The following FLACC1 variants were observed in gnomAD, a reference collection of about 807,000 sequenced individuals.
FLACC1 encodes flagellum associated containing coiled-coil domains 1, also known as flagellum-associated coiled-coil domain-containing protein 1.
FLACC1 carries 66 observed loss-of-function variants against 62.8 expected under a neutral mutation model. The observed-to-expected ratio is 1.05, with a 90% CI of 0.86 to 1.29. The LOEUF (loss-of-function observed/expected upper bound fraction) is 1.29, where lower values mean the gene tolerates loss of function less well. FLACC1 is among the 50% of genes most tolerant of loss of function. The probability of loss-of-function intolerance (pLI) is 0.00; values close to 1 mark genes in which losing one functional copy is unlikely to be tolerated. For missense variants in FLACC1, 452 were observed against 489.1 expected, an observed-to-expected ratio of 0.92 and a Z score of 0.71; for synonymous variants, 156 against 161.0, an observed-to-expected ratio of 0.97 and a Z score of 0.24.
intron 9 of FLACC1, among the ~76,000 whole-genome samples, chr2:201,314,660 T>C (rs887893370): frequency 4.6e-5 from 7 of 152,114 alleles, no homozygotes; most frequent in African/African-American, 1.7e-4. Flanking sequence ...GAGACCTAGA[T>C]ATCCAAATAC....
intron 7 of FLACC1, among the ~76,000 whole-genome samples, chr2:201,337,563 A>T (rs1950719474): frequency 6.6e-6 from 1 of 152,176 alleles, no homozygotes; most frequent in African/African-American, 2.4e-5. Context: ...TATATCAAGG[A>T]GTGCAGTTGG....
rs1355405701 is a variant in FLACC1, at chr2:201,335,743, A to C, written c.525-4910T>G. ...TGGTATTTTAATAGGGATTGCATTA[A>C]ATCTGTGTAATGCTTTGGGTAGCAT... is the stretch of plus-strand genomic sequence containing the variant. On this transcript the variant is annotated intron_variant, in intron 7 of 14. Coordinates refer to ENST00000392257, the MANE Select transcript of FLACC1 (RefSeq NM_001127391.3). 2.0e-5 allele frequency among the ~76,000 whole-genome samples: 3 copies of C among 152,254 alleles called. No individual in the cohort carries two copies. In the East Asian group the frequency reaches 5.8e-4, roughly 29 times the overall value.
chr2:201,345,198 G>A (rs1361303583), intron 5 of FLACC1, among the ~76,000 whole-genome samples: 1 of 152,168 alleles, frequency 6.6e-6, no homozygotes, highest in Non-Finnish European at 1.5e-5. Flanking sequence ...TCCTGCAGAG[G>A]GCTGTGGATA....
chr2:201,319,554 C>T (rs1011777878), intron 9 of FLACC1, among the ~76,000 whole-genome samples: 5 of 151,980 alleles, frequency 3.3e-5, no homozygotes, highest in African/African-American at 4.8e-5. Context: ...CAAAAAAACC[C>T]GTCAACAAAG....
intron 3 of FLACC1, among the ~76,000 whole-genome samples, chr2:201,348,638 C>G (rs1372887746): frequency 6.6e-6 from 1 of 152,108 alleles, no homozygotes; most frequent in African/African-American, 2.4e-5. Context: ...CCCACCACCC[C>G]CTTACACACA....
intron 7 of FLACC1, among the ~76,000 whole-genome samples, chr2:201,339,762 G>T (rs1950768574): frequency 6.6e-6 from 1 of 152,088 alleles, no homozygotes; most frequent in African/African-American, 2.4e-5. Context: ...TCTTATAAGT[G>T]TGCCTATCTT....
intron 2 of FLACC1, 148 bp downstream of exon 2, chr2:201,351,144 G>T: frequency 1.4e-6 from 1 of 711,828 alleles, no homozygotes; most frequent in Non-Finnish European, 2.4e-6. Context: ...CAGCCAACCA[G>T]CTGGCAGGGA....
Position 201,340,318 on chromosome 2 carries a change from C to G in FLACC1, c.524+2052G>C, listed in dbSNP as rs573562893. ...TGTTTTGTAGATTCTTTCTTCCTCTCTTGGTCTCTTCTTTTGTGGTTTGAT... is the reference window on the plus strand; with the variant it reads ...TGTTTTGTAGATTCTTTCTTCCTCTGTTGGTCTCTTCTTTTGTGGTTTGAT... On this transcript the variant is annotated intron_variant, in intron 7 of 14. Coordinates refer to ENST00000392257, the MANE Select transcript of FLACC1 (RefSeq NM_001127391.3). Among the ~76,000 whole-genome samples, 26 of 152,198 alleles carry G rather than the reference C, an allele frequency of 1.7e-4. No homozygotes were observed. In the East Asian group the frequency reaches 4.2e-3, roughly 25 times the overall value.
intron 10 of FLACC1, 41 bp downstream of exon 10, chr2:201,309,110 A>C (rs775163363): frequency 1.3e-6 from 2 of 1,548,814 alleles, no homozygotes; most frequent in East Asian, 4.5e-5. Flanking sequence ...GCAGTTTTTT[A>C]ATGCACTTGT....
chr2:201,293,910 T>C (rs1254577287), intron 12 of FLACC1, among the ~76,000 whole-genome samples: 1 of 151,942 alleles, frequency 6.6e-6, no homozygotes, highest in African/African-American at 2.4e-5. Flanking sequence ...GCAAATAAAC[T>C]AGAAAATCTA....
intron 5 of FLACC1, among the ~76,000 whole-genome samples, chr2:201,345,090 T>C (rs1950885450): frequency 6.6e-6 from 1 of 152,206 alleles, no homozygotes; most frequent in Admixed American, 6.5e-5. Flanking sequence ...AAGCACAGGT[T>C]ATCATATTTT....
chr2:201,354,477 C>A (rs916593777), intron 1 of FLACC1, among the ~76,000 whole-genome samples: 5 of 152,120 alleles, frequency 3.3e-5, no homozygotes, highest in African/African-American at 1.2e-4. Flanking sequence ...GTCCAGGAGA[C>A]TGGCTAAACA....
chr2:201,328,152 G>T (rs780590828), intron 9 of FLACC1, among the ~76,000 whole-genome samples: 2 of 151,938 alleles, frequency 1.3e-5, no homozygotes, highest in Non-Finnish European at 2.9e-5. Context: ...GACTCAGAAG[G>T]GGGAGGTGGG....
chr2:201,312,620 C>T (rs553845694), intron 9 of FLACC1, among the ~76,000 whole-genome samples: 2 of 152,128 alleles, frequency 1.3e-5, no homozygotes, highest in African/African-American at 4.8e-5. Context: ...CAAAGCAATC[C>T]TAAGCAAAAA....
chr2:201,323,939 C>T (rs190014842), intron 9 of FLACC1, among the ~76,000 whole-genome samples: 1 of 151,684 alleles, frequency 6.6e-6, no homozygotes, highest in Non-Finnish European at 1.5e-5. Flanking sequence ...AAAGCAATAA[C>T]AGAATGAAAA....
Position 201,351,454 on chromosome 2 carries a change from G to T in FLACC1, c.-47-3C>A. Reference sequence around the variant, plus strand: ...GCTGCTAGATCAGGAGGCTCTTGCTGAAATTGAAAAACAACAGCAGAAGGT... The same window carrying T: ...GCTGCTAGATCAGGAGGCTCTTGCTTAAATTGAAAAACAACAGCAGAAGGT... On this transcript the variant is annotated splice_region_variant and splice_polypyrimidine_tract_variant and intron_variant, in intron 1 of 14. Coordinates refer to ENST00000392257, the MANE Select transcript of FLACC1 (RefSeq NM_001127391.3). The T allele has an allele frequency of 7.2e-7, 1 of 1,397,812 alleles. No homozygotes were observed. Among genetic ancestry groups the T allele is most frequent in the Non-Finnish European group, 1.0e-6 (1 of 991,698 alleles). The allele number at this position is 1,397,812 out of a possible 1,614,324, so 86.6% of individuals were successfully genotyped here.
At chr2:201,321,176 G>C (rs1382403499) in intron 9 of FLACC1, among the ~76,000 whole-genome samples, 1 of 152,184 alleles carries the variant, frequency 6.6e-6, no homozygotes, top group African/African-American at 2.4e-5. Flanking sequence ...GCTACCCACT[G>C]TTGGGAGACT....
chr2:201,354,525 A>G (rs1183214747), intron 1 of FLACC1, among the ~76,000 whole-genome samples: 2 of 152,134 alleles, frequency 1.3e-5, no homozygotes, highest in Non-Finnish European at 2.9e-5. Flanking sequence ...GCCGCCATTT[A>G]TAACTGTCCA....
chr2:201,293,417 T>TG (rs907995751), intron 12 of FLACC1, among the ~76,000 whole-genome samples: 2 of 152,226 alleles, frequency 1.3e-5, no homozygotes, highest in African/African-American at 4.8e-5. Context: ...TGCTCCTGAA[T>TG]GACTACTGGG....
Sources: gnomAD v4.1 joint callset for allele counts (sites outside exome capture counted in the v4.1 genomes callset) on GRCh38, gnomAD v4.1.1 for gene constraint, MANE v1.5 for transcripts, NCBI Gene and HGNC (gene_info 2026-07-23, HGNC 2026-07-21) for gene names.